The following CATSPERG variants were observed in gnomAD, a reference collection of about 807,000 sequenced individuals.
CATSPERG encodes the protein catsper channel auxiliary subunit gamma.
A neutral mutation model predicts 145.0 loss-of-function variants in CATSPERG; 115 were observed. The ratio of observed to expected loss-of-function variants is 0.79; its 90% CI spans 0.68 to 0.93. CATSPERG has a LOEUF of 0.93. Ranked by LOEUF, CATSPERG falls within the 40% of genes least tolerant of loss-of-function variation. CATSPERG has a pLI of 0.00. For missense variants in CATSPERG, 1,296 were observed against 1,490.1 expected, an observed-to-expected ratio of 0.87 and a Z score of 2.14; for synonymous variants, 588 against 589.0, an observed-to-expected ratio of 1.00 and a Z score of 0.02.
rs758153598 is a variant in CATSPERG at position 38,370,217 on chromosome 19, G to A, written c.3172G>A (p.Gly1058Arg). 18 of 1,613,638 alleles carry A rather than the reference G, an allele frequency of 1.1e-5. No homozygotes were observed. Among genetic ancestry groups the A allele is most frequent in the East Asian group, 2.2e-5 (1 of 44,896 alleles). ...GCTCACCTTCCTGCTGCACATCCAC[G>A]GGCTGCCACTCAGTCCCAAGCGGGC... ...YQLTFLLHIHGLPLSPKRALF... is the reference protein window; with the variant it reads ...YQLTFLLHIHRLPLSPKRALF... Residue 1058 changes from glycine (G) to arginine (R), a missense_variant, in exon 28 of 29, where the codon GGG becomes AGG. Physicochemically the swap from Gly to Arg is moderately radical, Grantham distance 125 (BLOSUM62 -2). Coordinates refer to ENST00000409235, the MANE Select transcript of CATSPERG (RefSeq NM_021185.5).
intron 14 of CATSPERG, 176 bp downstream of exon 14, chr19:38,359,757 A>G: frequency 7.3e-7 from 1 of 1,364,568 alleles, no homozygotes; most frequent in South Asian, 1.5e-5. Context: ...GGTAAGTGTC[A>G]GCTCCAAAGT....
intron 14 of CATSPERG, chr19:38,360,126 G>T: frequency 1.0e-6 from 1 of 985,326 alleles, no homozygotes; most frequent in Non-Finnish European, 1.2e-6. Flanking sequence ...CCAGGGAAAT[G>T]GTGAGACCCT....
At chr19:38,359,950 C>T (rs1488343559) in intron 14 of CATSPERG, 1 of 1,036,150 alleles carries the variant, frequency 9.7e-7, no homozygotes, top group Middle Eastern at 4.8e-4. Context: ...CTGGCCCCGT[C>T]TGGGGGCTTG....
Position 38,370,881 on chromosome 19 carries a change from T to C in CATSPERG, c.*89T>C. On this transcript the variant is annotated 3_prime_UTR_variant, in exon 29 of 29. Transcript: ENST00000409235. The stretch of plus-strand genomic sequence containing the variant: ...TGCAACCTGTCACCCAGCCCAGGCC[T>C]CTCTTTCTGTTTTGCTTGATGTTTA... 7.1e-7 allele frequency: 1 copy of C among 1,413,100 alleles called. No individual in the cohort carries two copies. The allele number at this position is 1,413,100 out of a possible 1,614,324, so 87.5% of individuals were successfully genotyped here. A position where few individuals can be genotyped will look rare whatever the true frequency, so the allele number is the denominator to read the frequency against.
At chr19:38,343,533 C>G in intron 3 of CATSPERG, 47 bp from the exon 4 acceptor site, 2 of 1,495,676 alleles carry the variant, frequency 1.3e-6, no homozygotes, top group Non-Finnish European at 1.8e-6. Context: ...CAGGGGGCAC[C>G]CAGAGGCTAC....
intron 3 of CATSPERG, 48 bp from the exon 4 acceptor site, chr19:38,343,532 C>A: frequency 6.7e-7 from 1 of 1,491,644 alleles, no homozygotes; most frequent in Non-Finnish European, 9.0e-7. Flanking sequence ...GCAGGGGGCA[C>A]CCAGAGGCTA....
rs1002439178 is a variant in CATSPERG, at chr19:38,337,689, G to A, written c.324+43G>A. On this transcript the variant is annotated intron_variant, in intron 3 of 28. Transcript: ENST00000409235. Reference sequence around the variant, plus strand: ...GGATAGGCTCATTCTATGAGCCTTGGTTTTCCCACCTCTAACATTTTTATT... The same window carrying A: ...GGATAGGCTCATTCTATGAGCCTTGATTTTCCCACCTCTAACATTTTTATT... 19 of 1,466,208 alleles carry A rather than the reference G, an allele frequency of 1.3e-5. No individual in the cohort carries two copies. The East Asian group carries it at 3.7e-4, about 29-fold the overall frequency. 90.8% of individuals were successfully genotyped at this position (1,466,208 alleles called of 1,614,324 possible). A position where few individuals can be genotyped will look rare whatever the true frequency, so the allele number is the denominator to read the frequency against.
At chr19:38,352,818 C>T (rs1017118570) in intron 8 of CATSPERG, among the ~76,000 whole-genome samples, 7 of 150,554 alleles carry the variant, frequency 4.6e-5, no homozygotes, top group African/African-American at 1.2e-4. Context: ...AAAGACAGAG[C>T]GGGAGGAGAG....
chr19:38,367,727 A>T lies in CATSPERG; in HGVS notation c.2881A>T (p.Lys961Ter). 3 of 1,614,106 alleles carry T rather than the reference A, an allele frequency of 1.9e-6. No individual in the cohort carries two copies. The highest frequency in any genetic ancestry group is 2.5e-6 in the Non-Finnish European group (3 of 1,179,998). ...TGGCGGGCCCACACTGGACAGCCTC[A>T]AGGACTACAGTGAGGACGAAATCTA... ...VGGGPTLDSL[K>*]DYSEDEIYRF... is the part of the protein sequence containing the mutation. The change falls in exon 25 of 29, where the codon AAG (lysine) becomes TAG (stop). Residue 961 changes from lysine (K) to a stop codon, truncating the protein, a stop_gained. Transcript: ENST00000409235. LOFTEE classifies it high-confidence loss of function.
At chr19:38,361,950 G>A (rs920632435) in intron 17 of CATSPERG, 89 bp downstream of exon 17, 1 of 958,596 alleles carries the variant, frequency 1.0e-6, no homozygotes, top group Non-Finnish European at 1.6e-6. Flanking sequence ...GGAGCGGAGC[G>A]CAGCGGGATT....
At chr19:38,366,952 C>T (rs1970460325) in intron 22 of CATSPERG, 1 of 566,334 alleles carries the variant, frequency 1.8e-6, no homozygotes, top group East Asian at 3.0e-5. Flanking sequence ...CCTCGGCCTC[C>T]CGAAGTTCTG....
rs1025502902 is a variant in CATSPERG, at chr19:38,354,469, G to A, written c.998-241G>A. The stretch of plus-strand genomic sequence containing the variant: ...GCTTGGTCACATGCTAATCATTGTG[G>A]CCTAGGGAGTGCAAGGGAGGTGTCA... On this transcript the variant is annotated intron_variant, in intron 8 of 28. Transcript: ENST00000409235. 3.3e-5 allele frequency among the ~76,000 whole-genome samples: 5 copies of A among 152,198 alleles called. No homozygotes were observed. The East Asian group carries it at 5.8e-4, about 18-fold the overall frequency.
chr19:38,346,498 T>C lies in CATSPERG; in HGVS notation c.718T>C (p.Leu240=). The part of the protein sequence containing the change: ...QYFVGVSSRP[L]WHTVDQSPVL... ...CTTTGTGGGTGTCTCATCGAGGCCC[T>C]TGTGGCACACTGTGGACCAGTCACC... Residue 240 remains leucine, a synonymous_variant, in exon 7 of 29, where the codon TTG becomes CTG. Coordinates refer to ENST00000409235, the MANE Select transcript of CATSPERG (RefSeq NM_021185.5). 1 of 1,551,210 alleles carries C rather than the reference T, an allele frequency of 6.4e-7. No homozygotes were observed. Among genetic ancestry groups the C allele is most frequent in the Non-Finnish European group, 8.7e-7 (1 of 1,146,556 alleles).
chr19:38,368,250 T>C, intron 26 of CATSPERG, 113 bp downstream of exon 26: 1 of 843,468 alleles, frequency 1.2e-6, no homozygotes, highest in South Asian at 1.5e-5. Context: ...CTGACTGCCT[T>C]TGTGTTACTT....
In CATSPERG at chr19:38,337,368, C is replaced by G; in HGVS notation, c.134C>G (p.Thr45Ser). Residue 45 changes from threonine to serine, a missense_variant, in exon 2 of 29, where the codon ACC becomes AGC. Coordinates refer to ENST00000409235, the MANE Select transcript of CATSPERG (RefSeq NM_021185.5). The stretch of plus-strand genomic sequence containing the variant: ...GCGATCAAGGATTTCCAGGAATGCA[C>G]CTGGCAGGTTGTCCTGAACGAGTTT... ...LWAIKDFQEC[T>S]WQVVLNEFKR... 1 of 1,551,668 alleles carries G rather than the reference C, an allele frequency of 6.4e-7. No individual in the cohort carries two copies. The highest frequency in any genetic ancestry group is 8.7e-7 in the Non-Finnish European group (1 of 1,147,004).
intron 20 of CATSPERG, among the ~76,000 whole-genome samples, chr19:38,363,691 A>G (rs1970393866): frequency 6.6e-6 from 1 of 151,830 alleles, no homozygotes; most frequent in Non-Finnish European, 1.5e-5. Context: ...GCCTTCAAGC[A>G]TCTGTTTAAC....
At chr19:38,350,185 G>A (rs1263594856) in intron 7 of CATSPERG, among the ~76,000 whole-genome samples, 2 of 152,270 alleles carry the variant, frequency 1.3e-5, no homozygotes, top group Admixed American at 1.3e-4. Flanking sequence ...CCAACTGCAA[G>A]GGACACTGGG....
At chr19:38,344,407 G>A in intron 6 of CATSPERG, 39 bp downstream of exon 6, 2 of 1,526,420 alleles carry the variant, frequency 1.3e-6, no homozygotes, top group Non-Finnish European at 1.8e-6. Context: ...AATGGTCTGG[G>A]CCTTAGGCTG....
intron 12 of CATSPERG, 51 bp from the exon 13 acceptor site, chr19:38,358,381 C>G: frequency 6.2e-7 from 1 of 1,614,016 alleles, no homozygotes; most frequent in South Asian, 1.1e-5. Flanking sequence ...CAGGAGGGGC[C>G]CAGGTGACTC....
Sources: allele counts gnomAD v4.1 joint callset (sites outside exome capture counted in the v4.1 genomes callset), GRCh38; gene constraint gnomAD v4.1.1; transcripts MANE v1.5; gene names NCBI Gene and HGNC (gene_info 2026-07-23, HGNC 2026-07-21).